Variants in TBC1D14 observed in about 807,000 individuals in gnomAD.
TBC1D14 encodes TBC1 domain family, member 14.
Under a neutral mutation model 79.0 loss-of-function variants are expected in TBC1D14, and 26 were observed. The observed-to-expected ratio is 0.33, with a 90% confidence interval of 0.24 to 0.46. The LOEUF (loss-of-function observed/expected upper bound fraction) is 0.46. TBC1D14 is among the 20% of genes least tolerant of loss of function. The probability of loss-of-function intolerance (pLI) is 1.00; values close to 1 mark genes in which losing one functional copy is unlikely to be tolerated. For missense variants in TBC1D14, 769 were observed against 887.6 expected, an observed-to-expected ratio of 0.87 and a Z score of 1.70; for synonymous variants, 394 against 349.9, an observed-to-expected ratio of 1.13 and a Z score of -1.40.
At chr4:6,978,594 C>CA (rs1407929228) in intron 3 of TBC1D14, among the ~76,000 whole-genome samples, 1 of 149,102 alleles carries the variant, frequency 6.7e-6, no homozygotes, top group African/African-American at 2.5e-5. Flanking sequence ...CCCAGGGACA[C>CA]AAACACTGCG....
chr4:6,934,931 T>A (rs961715249), intron 2 of TBC1D14, among the ~76,000 whole-genome samples: 3 of 151,630 alleles, frequency 2.0e-5, no homozygotes, highest in Non-Finnish European at 4.4e-5. Flanking sequence ...ATAGAAAAAA[T>A]TATCTGGGTG....
chr4:6,987,039 T>C (rs1012017477), intron 3 of TBC1D14: 1 of 240,436 alleles, frequency 4.2e-6, no homozygotes. Flanking sequence ...GCGTCCCCGG[T>C]GTTTACGGCC....
intron 11 of TBC1D14, among the ~76,000 whole-genome samples, chr4:7,012,786 T>G (rs1018967571): frequency 6.6e-6 from 1 of 152,194 alleles, no homozygotes; most frequent in African/African-American, 2.4e-5. Context: ...CTACAGTGAG[T>G]GTTTACAGGT....
chr4:6,961,205 C>T (rs536042659), intron 2 of TBC1D14, among the ~76,000 whole-genome samples: 2 of 68,622 alleles, frequency 2.9e-5, no homozygotes, highest in African/African-American at 7.3e-5. Context: ...CTCTCTCTGG[C>T]TTACAGGTAG....
intron 11 of TBC1D14, among the ~76,000 whole-genome samples, chr4:7,011,858 A>G (rs934018659): frequency 6.6e-6 from 1 of 151,164 alleles, no homozygotes; most frequent in Non-Finnish European, 1.5e-5. Context: ...GTGCCCGGCC[A>G]TCACTGTCTG....
intron 2 of TBC1D14, among the ~76,000 whole-genome samples, chr4:6,940,641 A>G (rs1247217043): frequency 6.6e-6 from 1 of 152,102 alleles, no homozygotes; most frequent in Non-Finnish European, 1.5e-5. Flanking sequence ...CACCCCTCAG[A>G]GATGTATTCT....
chr4:6,926,791 G>A (rs975017167), intron 2 of TBC1D14, among the ~76,000 whole-genome samples: 1 of 152,200 alleles, frequency 6.6e-6, no homozygotes, highest in African/African-American at 2.4e-5. Flanking sequence ...CCAGGGCCTG[G>A]CCCACAGCAG....
In TBC1D14 at chr4:7,012,425, G is replaced by A. The variant is rs370220108; in HGVS notation, c.1647+1644G>A. ...CAATAGCTGTAAATAGCATTGGTGT[G>A]CAGTTCTGCTCATAAGAATCACTTC... On this transcript the variant is annotated intron_variant, in intron 11 of 13. Transcript: ENST00000409757. Among the ~76,000 whole-genome samples the A allele has an allele frequency of 9.7e-4, 148 of 152,294 alleles. 3 individuals carry two copies. In the South Asian group the frequency reaches 0.03, roughly 30 times the overall value.
intron 2 of TBC1D14, among the ~76,000 whole-genome samples, chr4:6,933,784 A>G (rs1712016260): frequency 6.6e-6 from 1 of 152,124 alleles, no homozygotes; most frequent in African/African-American, 2.4e-5. Flanking sequence ...TCCTAAACAG[A>G]ATGCCCTGAG....
chr4:6,909,909 G>T lies in TBC1D14; in HGVS notation c.-60G>T, dbSNP rs908369516. On this transcript the variant is annotated 5_prime_UTR_variant, in exon 1 of 14. Coordinates refer to ENST00000409757, the MANE Select transcript of TBC1D14 (RefSeq NM_020773.3). ...CGGTCCCGCGGGGCCTGGGCTGCGGGCCCACGGGTCCCGGGGATGGCGTCG... is the reference window on the plus strand; with the variant it reads ...CGGTCCCGCGGGGCCTGGGCTGCGGTCCCACGGGTCCCGGGGATGGCGTCG... The T allele has an allele frequency of 8.8e-5, 13 of 148,088 alleles. No individual in the cohort carries two copies. The highest frequency in any genetic ancestry group is 3.2e-4 in the African/African-American group (13 of 41,060). The allele number at this position is 148,088 out of a possible 1,614,324, so 9.2% of individuals were successfully genotyped here. A position where few individuals can be genotyped will look rare whatever the true frequency, so the allele number is the denominator to read the frequency against.
intron 12 of TBC1D14, among the ~76,000 whole-genome samples, chr4:7,022,657 T>G (rs1721947230): frequency 6.6e-6 from 1 of 151,870 alleles, no homozygotes; most frequent in Non-Finnish European, 1.5e-5. Flanking sequence ...AGGTGGAAGC[T>G]CATGGGATTG....
At chr4:7,025,285 G>C (rs772851055) in intron 13 of TBC1D14, 23 bp downstream of exon 13, 2 of 1,613,200 alleles carry the variant, frequency 1.2e-6, no homozygotes, top group Non-Finnish European at 1.7e-6. Flanking sequence ...TGTGTTCTTG[G>C]CTTCCCACAG....
intron 2 of TBC1D14, among the ~76,000 whole-genome samples, chr4:6,948,183 C>T (rs1231330752): frequency 1.3e-5 from 2 of 152,264 alleles, no homozygotes; most frequent in Admixed American, 6.5e-5. Context: ...TGAACACACT[C>T]GTGTGTCTGC....
At chr4:6,993,034 C>A (rs1718666510) in intron 3 of TBC1D14, among the ~76,000 whole-genome samples, 1 of 152,158 alleles carries the variant, frequency 6.6e-6, no homozygotes, top group Non-Finnish European at 1.5e-5. Context: ...TTTTAGAGGC[C>A]TTTCTGGCTA....
chr4:6,940,762 C>T (rs970557664), intron 2 of TBC1D14, among the ~76,000 whole-genome samples: 3 of 152,110 alleles, frequency 2.0e-5, no homozygotes, highest in East Asian at 1.9e-4. Flanking sequence ...GCCGGCTGGG[C>T]GGCTGGACAC....
intron 2 of TBC1D14, among the ~76,000 whole-genome samples, chr4:6,966,400 A>G (rs1715702322): frequency 1.3e-5 from 2 of 152,226 alleles, no homozygotes; most frequent in South Asian, 2.1e-4. Flanking sequence ...TTTTGTTTAC[A>G]TGTTCTTTGG....
rs552864148 is a variant in TBC1D14 at position 6,910,197 on chromosome 4, G to C, written c.-18+246G>C. On this transcript the variant is annotated intron_variant, in intron 1 of 13. Coordinates refer to ENST00000409757, the MANE Select transcript of TBC1D14 (RefSeq NM_020773.3). ...GGGCGGGGGCGACTCTCGGGACTCG[G>C]CGGCCCTCGCGGAGGCGCGCGCTGT... 18 of 151,784 alleles carry C rather than the reference G, an allele frequency of 1.2e-4. No individual in the cohort carries two copies. In the East Asian group the frequency reaches 3.5e-3, roughly 29 times the overall value. The allele number at this position is 151,784 out of a possible 1,614,324, so 9.4% of individuals were successfully genotyped here. A position where few individuals can be genotyped will look rare whatever the true frequency, so the allele number is the denominator to read the frequency against.
chr4:6,999,711 C>A (rs1719466191), intron 6 of TBC1D14, among the ~76,000 whole-genome samples: 1 of 152,094 alleles, frequency 6.6e-6, no homozygotes, highest in Non-Finnish European at 1.5e-5. Context: ...CAGCAAACTC[C>A]TGTGTGCTCT....
chr4:6,934,057 A>G (rs371971885), intron 2 of TBC1D14, among the ~76,000 whole-genome samples: 3 of 152,250 alleles, frequency 2.0e-5, no homozygotes, highest in South Asian at 4.2e-4. Context: ...CATCTTAGAC[A>G]TTTGCAGGAA....
Sources: gnomAD v4.1 joint callset for allele counts (sites outside exome capture counted in the v4.1 genomes callset) on GRCh38, gnomAD v4.1.1 for gene constraint, MANE v1.5 for transcripts, NCBI Gene and HGNC (gene_info 2026-07-23, HGNC 2026-07-21) for gene names.